Variants in GLI1 observed in about 807,000 individuals in gnomAD.
GLI1 encodes transcription activator GLI1.
GLI1 carries 51 observed loss-of-function variants against 87.8 expected under a neutral mutation model. The ratio of observed to expected loss-of-function variants is 0.58; its 90% confidence interval spans 0.46 to 0.73. GLI1 has a LOEUF of 0.73. GLI1 is among the 30% of genes least tolerant of loss of function. The probability of loss-of-function intolerance (pLI) is 0.00; values close to 1 mark genes in which losing one functional copy is unlikely to be tolerated. For synonymous variants in GLI1, 528 were observed against 558.2 expected (o/e 0.95, Z 0.76); for missense variants, 1,292 against 1,437.2 (o/e 0.90, Z 1.63).
chr12:57,464,325 C>T (rs1409410422), intron 3 of GLI1, among the ~76,000 whole-genome samples: 4 of 152,082 alleles, frequency 2.6e-5, no homozygotes, highest in Non-Finnish European at 5.9e-5. Context: ...AATTCAAGAC[C>T]AGCCAGGCCA....
rs1871737627 is a variant in GLI1 at position 57,469,657 on chromosome 12, T to C, written c.1535T>C (p.Ile512Thr). The change falls in exon 11 of 12, where the codon ATA becomes ACA. Residue 512 changes from isoleucine to threonine, a missense_variant. Physicochemically the swap from Ile to Thr is moderately conservative, Grantham distance 89. Transcript: ENST00000228682. ...RLDQLHQLRP[I>T]GTRGLKLPSL... ...GACCAGCTACATCAACTCCGGCCAATAGGGACCCGGGGTCTCAAACTGCCC... is the reference window on the plus strand; with the variant it reads ...GACCAGCTACATCAACTCCGGCCAACAGGGACCCGGGGTCTCAAACTGCCC... 1.9e-6 allele frequency: 3 copies of C among 1,614,006 alleles called. No homozygotes were observed. The highest frequency in any genetic ancestry group is 2.2e-5 in the East Asian group (1 of 44,888).
chr12:57,465,624 C>T lies in GLI1; in HGVS notation c.552C>T (p.Asp184=). Residue 184 remains aspartate, a synonymous_variant, in exon 6 of 12, where the codon GAC becomes GAT. Transcript: ENST00000228682. ...TGGGGAAGCTGAAGTCTGAGCTGGA[C>T]ATGCTGGTTGGCAAGTGCCGGGAGG... ...FPTCQLKSEL[D]MLVGKCREEP... 1 of 1,613,924 alleles carries T rather than the reference C, an allele frequency of 6.2e-7. No homozygotes were observed. The highest frequency in any genetic ancestry group is 1.3e-5 in the African/African-American group (1 of 75,050).
In GLI1 at chr12:57,471,413, G is replaced by A; in HGVS notation, c.2673G>A (p.Gly891=). The A allele has an allele frequency of 6.2e-7, 1 of 1,613,774 alleles. No individual in the cohort carries two copies. The highest frequency in any genetic ancestry group is 1.3e-5 in the African/African-American group (1 of 75,002). The change falls in exon 12 of 12, where the codon GGG becomes GGA. Residue 891 remains glycine, a synonymous_variant. Coordinates refer to ENST00000228682, the MANE Select transcript of GLI1 (RefSeq NM_005269.3). This position sits in a 1 kb window ranked among gnomAD's most constrained non-coding sequence, Gnocchi z 4.9. ...LDFDSPTHST[G]QLKAQLVCNY... is the part of the protein sequence containing the mutation. ...TTGATTCCCCCACCCATTCCACAGG[G>A]CAGCTCAAGGCTCAGCTTGTGTGTA...
At position 57,470,532 on chromosome 12, in the gene GLI1, G is replaced by C. The variant is rs1183640785; in HGVS notation, c.1792G>C (p.Gly598Arg). The change falls in exon 12 of 12, where the codon GGG becomes CGG. Residue 598 changes from glycine (G) to arginine (R), a missense_variant. Coordinates refer to ENST00000228682, the MANE Select transcript of GLI1 (RefSeq NM_005269.3). The part of the protein sequence containing the change: ...LLRARYASAR[G>R]GGTSPTAASS... ...TCGGGCAAGATATGCTTCAGCCAGA[G>C]GGGGTGGTACTTCGCCCACTGCAGC... 1.2e-6 allele frequency: 2 copies of C among 1,614,072 alleles called. No homozygotes were observed. The highest frequency in any genetic ancestry group is 1.7e-5 in the Admixed American group (1 of 60,016).
chr12:57,465,841 G>C lies in GLI1; in HGVS notation c.678G>C (p.Lys226Asn), dbSNP rs757173437. ...DGREDLEREE[K>N]REPESVYETD... ...GGGAGGACCTCGAGAGAGAGGAGAA[G>C]CGTGAGCCTGAATCTGTGTATGAAA... The change falls in exon 7 of 12, where the codon AAG becomes AAC. Residue 226 changes from lysine to asparagine, a missense_variant. Physicochemically the swap from Lys to Asn is moderately conservative, Grantham distance 94 (BLOSUM62 0). Coordinates refer to ENST00000228682, the MANE Select transcript of GLI1 (RefSeq NM_005269.3). The C allele has an allele frequency of 6.2e-7, 1 of 1,614,060 alleles. No homozygotes were observed. Among genetic ancestry groups the C allele is most frequent in the African/African-American group, 1.3e-5 (1 of 74,934 alleles).
chr12:57,465,729 AC>A, intron 6 of GLI1, 33 bp downstream of exon 6: 1 of 1,613,580 alleles, frequency 6.2e-7, no homozygotes, highest in Non-Finnish European at 8.5e-7. Context: ...TACCTCTGGG[AC>A]CTGAGCAAAA....
intron 6 of GLI1, 27 bp downstream of exon 6, chr12:57,465,723 T>G: frequency 3.1e-6 from 5 of 1,613,644 alleles, no homozygotes; most frequent in Non-Finnish European, 4.2e-6. Flanking sequence ...GAGCTTTACC[T>G]CTGGGACCTG....
chr12:57,464,918 A>C, intron 4 of GLI1, 50 bp downstream of exon 4: 2 of 1,446,060 alleles, frequency 1.4e-6, no homozygotes, highest in Non-Finnish European at 1.9e-6. Flanking sequence ...ACCCAAGTCC[A>C]TTAAAAGTCT....
At chr12:57,467,923 C>G (rs1443674411) in intron 9 of GLI1, 71 bp from the exon 10 acceptor site, 1 of 1,153,042 alleles carries the variant, frequency 8.7e-7, no homozygotes, top group African/African-American at 1.5e-5. Flanking sequence ...GTTGTCACCA[C>G]TTTTTCCCAT....
Position 57,471,262 on chromosome 12 carries a change from C to A in GLI1, c.2522C>A (p.Pro841His). ...CTCAATGCCCACCCCAGTGAGGGGC[C>A]CCCACATCCACAGCCTCTCTTTTCC... ...PCLNAHPSEG[P>H]PHPQPLFSHY... The change falls in exon 12 of 12, where the codon CCC (proline) becomes CAC (histidine). Residue 841 changes from proline to histidine, a missense_variant. Coordinates refer to ENST00000228682, the MANE Select transcript of GLI1 (RefSeq NM_005269.3). This position sits in a 1 kb window ranked among gnomAD's most constrained non-coding sequence, Gnocchi z 4.9. 6.2e-7 allele frequency: 1 copy of A among 1,600,550 alleles called. No homozygotes were observed. Among genetic ancestry groups the A allele is most frequent in the Non-Finnish European group, 8.5e-7 (1 of 1,173,104 alleles).
rs776521977 is a variant in GLI1, at chr12:57,471,203, A to G, written c.2463A>G (p.Pro821=). ...QVQVKPEQGC[P]VGSDSTGLAP... is the part of the protein sequence containing the mutation. ...AAGTCAAGCCAGAACAGGGGTGCCC[A>G]GTGGGGTCTGACTCCACAGGACTGG... Residue 821 remains proline, a synonymous_variant, in exon 12 of 12, where the codon CCA becomes CCG. Coordinates refer to ENST00000228682, the MANE Select transcript of GLI1 (RefSeq NM_005269.3). The surrounding 1 kb of genome is among the most constrained non-coding windows in gnomAD (Gnocchi z 4.9). The G allele has an allele frequency of 6.2e-7, 1 of 1,600,274 alleles. No homozygotes were observed. Among genetic ancestry groups the G allele is most frequent in the African/African-American group, 1.3e-5 (1 of 74,460 alleles).
At position 57,469,485 on chromosome 12, in the gene GLI1, G is replaced by A. The variant is rs1198007042; in HGVS notation, c.1363G>A (p.Ala455Thr). The A allele has an allele frequency of 6.2e-7, 1 of 1,613,282 alleles. No individual in the cohort carries two copies. Residue 455 changes from alanine (A) to threonine (T), a missense_variant, in exon 11 of 12, where the codon GCA becomes ACA. By Grantham distance (58) the Ala-to-Thr change is moderately conservative. Transcript: ENST00000228682. ...QSSCSSDHSPAGSAANTDSGV... is the reference protein window; with the variant it reads ...QSSCSSDHSPTGSAANTDSGV... ...ATCCTGCAGCAGTGACCACTCCCCGGCAGGGAGTGCAGCCAATACAGACAG... is the reference window on the plus strand; with the variant it reads ...ATCCTGCAGCAGTGACCACTCCCCGACAGGGAGTGCAGCCAATACAGACAG...
In GLI1 at chr12:57,471,653, T is replaced by C. The variant is rs201892411; in HGVS notation, c.2913T>C (p.His971=). ...SGSYPTPSPC[H]ENFVVGANRA... is the part of the protein sequence containing the mutation. ...CCTATCCCACCCCTTCACCATGCCA[T>C]GAAAATTTTGTAGTGGGGGCAAATA... The change falls in exon 12 of 12, where the codon CAT becomes CAC. Residue 971 remains histidine (H), a synonymous_variant. Transcript: ENST00000228682. This position sits in a 1 kb window ranked among gnomAD's most constrained non-coding sequence, Gnocchi z 4.9. The C allele has an allele frequency of 6.2e-7, 1 of 1,612,252 alleles. No homozygotes were observed. The highest frequency in any genetic ancestry group is 1.1e-5 in the South Asian group (1 of 90,900).
At position 57,463,748 on chromosome 12, in the gene GLI1, C is replaced by T. The variant is rs1338589420; in HGVS notation, c.57C>T (p.Leu19=). The T allele has an allele frequency of 1.2e-6, 2 of 1,611,410 alleles. No homozygotes were observed. The highest frequency in any genetic ancestry group is 3.3e-5 in the Admixed American group (2 of 60,006). ...GTAGCTATGGCGAGCCCTGCTGTCT[C>T]CGGCCCCTCCCCAGTCAGGGGGCCC... ...PISSYGEPCC[L]RPLPSQGAPS... Residue 19 remains leucine, a synonymous_variant, in exon 2 of 12, where the codon CTC becomes CTT. Transcript: ENST00000228682.
intron 9 of GLI1, 97 bp from the exon 10 acceptor site, chr12:57,467,897 C>T (rs1871601476): frequency 1.2e-6 from 1 of 802,096 alleles, no homozygotes; most frequent in Non-Finnish European, 2.1e-6. Context: ...CTGTGTGCTC[C>T]TCCCCTGCCC....
intron 1 of GLI1, among the ~76,000 whole-genome samples, 199 bp from the exon 2 acceptor site, chr12:57,463,466 C>G (rs1371720427): frequency 6.6e-6 from 1 of 152,212 alleles, no homozygotes; most frequent in Admixed American, 6.5e-5. Context: ...CCTCCCGCCT[C>G]AGCCTCTCAA....
chr12:57,464,545 C>A, intron 3 of GLI1, 128 bp from the exon 4 acceptor site: 1 of 612,658 alleles, frequency 1.6e-6, no homozygotes, highest in Non-Finnish European at 2.8e-6. Context: ...AAAAAAAAGT[C>A]ACAGATAGCA....
In GLI1 at chr12:57,467,512, T is replaced by G; in HGVS notation, c.1077+15T>G. The G allele has an allele frequency of 1.9e-6, 3 of 1,580,338 alleles. No individual in the cohort carries two copies. Among genetic ancestry groups the G allele is most frequent in the Non-Finnish European group, 2.6e-6 (3 of 1,154,918 alleles). On this transcript the variant is annotated intron_variant, in intron 9 of 11. Coordinates refer to ENST00000228682, the MANE Select transcript of GLI1 (RefSeq NM_005269.3). ...ATTCCAATGAGGTGAATGCCCTAAC[T>G]AAGCGACCCTCCCCTCTTGAGAAGC...
rs761530684 is a variant in GLI1 at position 57,467,461 on chromosome 12, C to T, written c.1041C>T (p.Asp347=). The change falls in exon 9 of 12, where the codon GAC becomes GAT. Residue 347 remains aspartate, a synonymous_variant. Coordinates refer to ENST00000228682, the MANE Select transcript of GLI1 (RefSeq NM_005269.3). ...GCSKAFSNAS[D]RAKHQNRTHS... Reference sequence around the variant, plus strand: ...GTAAAGCCTTCAGCAATGCCAGTGACCGAGCCAAGCACCAGAATCGGACCC... The same window carrying T: ...GTAAAGCCTTCAGCAATGCCAGTGATCGAGCCAAGCACCAGAATCGGACCC... The T allele has an allele frequency of 2.4e-5, 39 of 1,609,660 alleles. No individual in the cohort carries two copies. Among genetic ancestry groups the T allele is most frequent in the Non-Finnish European group, 2.8e-5 (33 of 1,176,264 alleles).
Sources: gnomAD v4.1 joint callset for allele counts (sites outside exome capture counted in the v4.1 genomes callset) on GRCh38, gnomAD v4.1.1 for gene constraint, Gnocchi (gnomAD v3.1) non-coding constraint, MANE v1.5 for transcripts, NCBI Gene and HGNC (gene_info 2026-07-23, HGNC 2026-07-21) for gene names.